Variants in AFG1L observed in about 807,000 individuals in gnomAD.
AFG1L encodes the protein AFG1 like ATPase, also known as AFG1-like ATPase.
AFG1L carries 53 observed loss-of-function variants against 62.2 expected under a neutral mutation model. The ratio of observed to expected loss-of-function variants is 0.85; its 90% CI spans 0.68 to 1.07. The LOEUF is 1.07. AFG1L is among the 50% of genes least tolerant of loss of function. AFG1L has a pLI of 0.00. For missense variants in AFG1L, 555 were observed against 590.5 expected (o/e 0.94, Z 0.62); for synonymous variants, 228 against 210.3 (o/e 1.08, Z -0.73).
intron 6 of AFG1L, among the ~76,000 whole-genome samples, chr6:108,385,285 C>T (rs1339220048): frequency 6.6e-6 from 1 of 152,230 alleles, no homozygotes; most frequent in Admixed American, 6.5e-5. Context: ...TTGTGATGGC[C>T]ATGATGCCCA....
intron 7 of AFG1L, among the ~76,000 whole-genome samples, chr6:108,420,151 G>A (rs1435177093): frequency 2.0e-5 from 3 of 151,996 alleles, no homozygotes; most frequent in South Asian, 2.1e-4. Flanking sequence ...GCCTTGCAGG[G>A]ATTAACCCTT....
chr6:108,503,113 C>T (rs1364745854), intron 10 of AFG1L, among the ~76,000 whole-genome samples: 1 of 152,198 alleles, frequency 6.6e-6, no homozygotes, highest in Admixed American at 6.5e-5. Flanking sequence ...TTGAACCTCT[C>T]CAAGTCATCC....
intron 1 of AFG1L, among the ~76,000 whole-genome samples, chr6:108,301,748 A>G (rs144479463): frequency 7.9e-4 from 121 of 152,322 alleles, no homozygotes; most frequent in African/African-American, 2.8e-3. Context: ...GAACGGGGCA[A>G]CTGTTGGAAC....
intron 8 of AFG1L, among the ~76,000 whole-genome samples, chr6:108,462,080 G>T (rs1329219963): frequency 6.6e-6 from 1 of 151,876 alleles, no homozygotes; most frequent in African/African-American, 2.4e-5. Flanking sequence ...GGGCGACAGA[G>T]CAAGACTCCG....
intron 2 of AFG1L, among the ~76,000 whole-genome samples, chr6:108,346,512 C>T (rs139766908): frequency 6.6e-6 from 1 of 152,190 alleles, no homozygotes; most frequent in Non-Finnish European, 1.5e-5. Flanking sequence ...ACCACAGGCG[C>T]ATGCCACCAT....
At chr6:108,325,228 T>C (rs1777991982) in intron 2 of AFG1L, among the ~76,000 whole-genome samples, 1 of 152,176 alleles carries the variant, frequency 6.6e-6, no homozygotes, top group African/African-American at 2.4e-5. Flanking sequence ...GGCAGCTGCT[T>C]GTGCATTTCC....
chr6:108,377,833 G>A (rs1240699506), intron 6 of AFG1L, among the ~76,000 whole-genome samples: 1 of 131,742 alleles, frequency 7.6e-6, no homozygotes, highest in Non-Finnish European at 1.6e-5. Flanking sequence ...TTTTTTTTTT[G>A]ACATTTTTCA....
intron 8 of AFG1L, among the ~76,000 whole-genome samples, chr6:108,450,302 T>C (rs1771998034): frequency 6.6e-6 from 1 of 152,202 alleles, no homozygotes; most frequent in Non-Finnish European, 1.5e-5. Flanking sequence ...TTCTAACTGG[T>C]GTGAGATGGT....
chr6:108,334,557 AAC>A (rs869207435), intron 2 of AFG1L, among the ~76,000 whole-genome samples: 1,411 of 105,712 alleles, frequency 0.013, 9 homozygotes, highest in Middle Eastern at 0.033. Context: ...TTAAAAAAAA[AAC>A]AAATAGACTG....
chr6:108,352,034 A>G (rs2114441763), intron 3 of AFG1L, among the ~76,000 whole-genome samples: 1 of 152,346 alleles, frequency 6.6e-6, no homozygotes. Context: ...ACATTGTTGT[A>G]CAACTATTAC....
intron 2 of AFG1L, among the ~76,000 whole-genome samples, chr6:108,340,509 C>A (rs923017142): frequency 6.6e-6 from 1 of 151,946 alleles, no homozygotes; most frequent in African/African-American, 2.4e-5. Context: ...GGATTACAGG[C>A]GTGTGCCACC....
At chr6:108,356,927 T>A (rs568199885) in intron 5 of AFG1L, 107 bp downstream of exon 5, 2 of 972,502 alleles carry the variant, frequency 2.1e-6, no homozygotes, top group Admixed American at 2.6e-5. Context: ...ATTTGACACA[T>A]TATCTCTTAC....
intron 10 of AFG1L, among the ~76,000 whole-genome samples, chr6:108,482,946 T>C (rs1773386222): frequency 6.6e-6 from 1 of 152,202 alleles, no homozygotes; most frequent in Non-Finnish European, 1.5e-5. Context: ...AGTGTACTCG[T>C]TGGCAGTAGC....
chr6:108,326,891 C>T (rs1219378183), intron 2 of AFG1L, among the ~76,000 whole-genome samples: 9 of 151,720 alleles, frequency 5.9e-5, no homozygotes, highest in South Asian at 2.1e-4. Context: ...ATCCAGGAGG[C>T]GGAGGTTGCA....
chr6:108,445,375 G>T (rs1771726741), intron 7 of AFG1L, among the ~76,000 whole-genome samples: 1 of 152,166 alleles, frequency 6.6e-6, no homozygotes, highest in Non-Finnish European at 1.5e-5. Context: ...GTTCACTGGA[G>T]TAGCACTTTT....
intron 7 of AFG1L, among the ~76,000 whole-genome samples, chr6:108,437,961 T>C (rs545464979): frequency 6.6e-6 from 1 of 152,272 alleles, no homozygotes; most frequent in Admixed American, 6.5e-5. Flanking sequence ...GGATGCACTG[T>C]GAATTGTGAA....
intron 6 of AFG1L, among the ~76,000 whole-genome samples, chr6:108,383,684 CAGA>C (rs1780640931): frequency 6.6e-6 from 1 of 152,102 alleles, no homozygotes; most frequent in African/African-American, 2.4e-5. Flanking sequence ...GGAGAGTTTA[CAGA>C]TCTTGAGGGG....
At chr6:108,462,747 G>C (rs2114782561) in intron 8 of AFG1L, among the ~76,000 whole-genome samples, 1 of 152,262 alleles carries the variant, frequency 6.6e-6, no homozygotes, top group African/African-American at 2.4e-5. Flanking sequence ...TATGGCCACA[G>C]TCATCTAGTA....
intron 2 of AFG1L, among the ~76,000 whole-genome samples, chr6:108,329,075 C>T (rs1417439240): frequency 6.6e-6 from 1 of 151,006 alleles, no homozygotes; most frequent in Admixed American, 6.6e-5. Context: ...TCCCTCCCTC[C>T]CTCCTTCCCT....
Sources: gnomAD v4.1 joint callset for allele counts (sites outside exome capture counted in the v4.1 genomes callset) on GRCh38, gnomAD v4.1.1 for gene constraint, MANE v1.5 for transcripts, NCBI Gene and HGNC (gene_info 2026-07-23, HGNC 2026-07-21) for gene names.